Variants in ARMH4 observed in about 807,000 individuals in gnomAD.
ARMH4 encodes armadillo-like helical domain-containing protein 4.
ARMH4 carries 49 observed loss-of-function variants against 61.9 expected under a neutral mutation model. The ratio of observed to expected loss-of-function variants is 0.79; its 90% confidence interval spans 0.63 to 1.00. The LOEUF (loss-of-function observed/expected upper bound fraction) is 1.00, where lower values mean the gene tolerates loss of function less well. Among genes scored for constraint, ARMH4 ranks in the 50% least tolerant of loss-of-function variants. ARMH4 has a pLI of 0.00. For synonymous variants in ARMH4, 368 were observed against 341.5 expected (o/e 1.08, Z -0.85); for missense variants, 934 against 930.0 (o/e 1.00, Z -0.06).
At chr14:58,077,614 A>AAG (rs1325260467) in intron 5 of ARMH4, among the ~76,000 whole-genome samples, 2 of 151,858 alleles carry the variant, frequency 1.3e-5, no homozygotes, top group Admixed American at 6.6e-5. Context: ...TCAAAAAGAA[A>AAG]AGAGAGAGAG....
chr14:58,097,475 G>C (rs1448641425), intron 4 of ARMH4, among the ~76,000 whole-genome samples: 1 of 152,122 alleles, frequency 6.6e-6, no homozygotes, highest in Non-Finnish European at 1.5e-5. Flanking sequence ...TGGTAAGTGA[G>C]GAGCACATAA....
chr14:58,116,659 G>C (rs74893812), intron 4 of ARMH4, among the ~76,000 whole-genome samples: 1,659 of 152,262 alleles, frequency 0.011, 35 homozygotes, highest in African/African-American at 0.037. Context: ...CTAAACAATA[G>C]AGTGAGACCT....
chr14:58,011,935 T>G (rs914200762), intron 6 of ARMH4, among the ~76,000 whole-genome samples, 184 bp downstream of exon 6: 1 of 152,178 alleles, frequency 6.6e-6, no homozygotes, highest in Non-Finnish European at 1.5e-5. Context: ...GTCTCCTGTA[T>G]TCTAAAAGAA....
chr14:58,027,971 C>A (rs1046039369), intron 5 of ARMH4, among the ~76,000 whole-genome samples: 36 of 152,320 alleles, frequency 2.4e-4, no homozygotes, highest in African/African-American at 8.4e-4. Flanking sequence ...AAGGTCTTGA[C>A]AGACCATTAT....
At chr14:58,044,703 T>A (rs1883866513) in intron 5 of ARMH4, among the ~76,000 whole-genome samples, 1 of 152,136 alleles carries the variant, frequency 6.6e-6, no homozygotes, top group Non-Finnish European at 1.5e-5. Flanking sequence ...AGAAAAGTTT[T>A]GCAATCTACT....
chr14:58,091,054 T>C (rs1885545987), intron 5 of ARMH4, among the ~76,000 whole-genome samples: 1 of 150,874 alleles, frequency 6.6e-6, no homozygotes, highest in Non-Finnish European at 1.5e-5. Flanking sequence ...TCATCTCTAC[T>C]AAAAATACAA....
At chr14:58,095,363 T>C (rs1885714456) in intron 5 of ARMH4, among the ~76,000 whole-genome samples, 1 of 152,188 alleles carries the variant, frequency 6.6e-6, no homozygotes, top group Non-Finnish European at 1.5e-5. Flanking sequence ...TTTTAACCTG[T>C]TCGGTATAAA....
intron 5 of ARMH4, among the ~76,000 whole-genome samples, chr14:58,032,549 C>G (rs1883285400): frequency 6.6e-6 from 1 of 152,106 alleles, no homozygotes; most frequent in Admixed American, 6.5e-5. Context: ...AGGGGAGGAG[C>G]CAAGATGGCC....
At chr14:58,014,464 A>C (rs1033020007) in intron 5 of ARMH4, among the ~76,000 whole-genome samples, 1 of 152,270 alleles carries the variant, frequency 6.6e-6, no homozygotes, top group East Asian at 1.9e-4. Context: ...CCTTATATAG[A>C]GAGATGGCAA....
chr14:58,063,129 A>G (rs757886504), intron 5 of ARMH4, among the ~76,000 whole-genome samples: 94 of 152,140 alleles, frequency 6.2e-4, no homozygotes, highest in Non-Finnish European at 9.0e-4. Context: ...GCTCCAGGGG[A>G]TCCTTAGCTT....
chr14:58,105,273 C>A (rs192518161), intron 4 of ARMH4, among the ~76,000 whole-genome samples: 1 of 152,220 alleles, frequency 6.6e-6, no homozygotes, highest in Non-Finnish European at 1.5e-5. Flanking sequence ...TTTAAATAAA[C>A]CCCAAATTTT....
intron 4 of ARMH4, 106 bp downstream of exon 4, chr14:58,131,406 C>T: frequency 2.2e-6 from 2 of 898,762 alleles, no homozygotes; most frequent in Non-Finnish European, 3.5e-6. Flanking sequence ...GTCCTCTGAT[C>T]TATACTGCAG....
chr14:58,004,239 CT>C lies in ARMH4; in HGVS notation c.*496del, dbSNP rs1322140930. 6.6e-6 allele frequency: 1 copy of C among 152,466 alleles called. No individual in the cohort carries two copies. The highest frequency in any genetic ancestry group is 1.5e-5 in the Non-Finnish European group (1 of 68,230). The allele number at this position is 152,466 out of a possible 1,614,324, so 9.4% of individuals were successfully genotyped here. A position where few individuals can be genotyped will look rare whatever the true frequency, so the allele number is the denominator to read the frequency against. ...ATGAAAATGATTTCATTCTGAGTTACTGCTAGTTTGATGCAAATGCAGTATG... is the reference window on the plus strand; with the variant it reads ...ATGAAAATGATTTCATTCTGAGTTACGCTAGTTTGATGCAAATGCAGTATG... On this transcript the variant is annotated 3_prime_UTR_variant, in exon 8 of 8. Transcript: ENST00000267485.
intron 1 of ARMH4, chr14:58,141,462 C>A (rs1887548438): frequency 1.8e-6 from 1 of 540,626 alleles, no homozygotes; most frequent in Non-Finnish European, 3.7e-6. Flanking sequence ...GCTACAACAT[C>A]CAGAAAGAGT....
At position 58,053,755 on chromosome 14, in the gene ARMH4, C is replaced by T. The variant is rs375169178; in HGVS notation, c.2090-41605G>A. 1.4e-3 allele frequency among the ~76,000 whole-genome samples: 212 copies of T among 152,346 alleles called. 2 individuals carry two copies. In the South Asian group the frequency reaches 0.042, roughly 30 times the overall value. On this transcript the variant is annotated intron_variant, in intron 5 of 7. Transcript: ENST00000267485. ...GAGCACACTGTCTTCTCTGGCATTG[C>T]ATGATCCTCACCTAAGGATCCTCGC...
intron 1 of ARMH4, among the ~76,000 whole-genome samples, chr14:58,150,293 G>C (rs1255506453): frequency 1.3e-5 from 2 of 152,214 alleles, no homozygotes; most frequent in African/African-American, 4.8e-5. Flanking sequence ...TAGGGAATGA[G>C]TTTTCATTTT....
At chr14:58,101,776 C>A (rs934356718) in intron 4 of ARMH4, among the ~76,000 whole-genome samples, 1 of 151,990 alleles carries the variant, frequency 6.6e-6, no homozygotes, top group East Asian at 1.9e-4. Context: ...ACATGAAGAA[C>A]CCACCATTGA....
intron 5 of ARMH4, among the ~76,000 whole-genome samples, chr14:58,063,604 GAAACTACAAAAAA>G (rs1884603655): frequency 6.6e-6 from 1 of 151,896 alleles, no homozygotes; most frequent in Non-Finnish European, 1.5e-5. Context: ...AGGCACTACA[GAAACTACAAAAAA>G]TATCATTTTT....
chr14:58,138,231 C>T lies in ARMH4; in HGVS notation c.1128G>A (p.Thr376=), dbSNP rs1357666422. ...ALGLPEGETH[T]GTALLIAHGN... is the part of the protein sequence containing the mutation. The stretch of plus-strand genomic sequence containing the variant: ...CATGCGCTATTAGCAGGGCTGTGCC[C>T]GTGTGTGTTTCCCCTTCAGGCAGCC... Residue 376 remains threonine, a synonymous_variant, in exon 2 of 8, where the codon ACG becomes ACA. Transcript: ENST00000267485. 6.2e-6 allele frequency: 10 copies of T among 1,614,070 alleles called. No individual in the cohort carries two copies. Among genetic ancestry groups the T allele is most frequent in the Middle Eastern group, 1.6e-4 (1 of 6,084 alleles).
Sources: allele counts gnomAD v4.1 joint callset (sites outside exome capture counted in the v4.1 genomes callset), GRCh38; gene constraint gnomAD v4.1.1; transcripts MANE v1.5; gene names NCBI Gene and HGNC (gene_info 2026-07-23, HGNC 2026-07-21).